Variants in CNTNAP3B observed in about 807,000 individuals in gnomAD.
The protein encoded by CNTNAP3B is contactin-associated protein-like 3B.
A neutral mutation model predicts 108.9 loss-of-function variants in CNTNAP3B; 25 were observed. The ratio of observed to expected loss-of-function variants is 0.23; its 90% CI spans 0.17 to 0.32. The LOEUF (loss-of-function observed/expected upper bound fraction) is 0.32, where lower values mean the gene tolerates loss of function less well. CNTNAP3B is among the 10% of genes least tolerant of loss of function. The pLI is 1.00. For missense variants in CNTNAP3B, 252 were observed against 1,210.4 expected (o/e 0.21, Z 11.75); for synonymous variants, 103 against 473.4 (o/e 0.22, Z 10.16).
Position 42,118,836 on chromosome 9 carries a change from T to C in CNTNAP3B, c.85+10174A>G, listed in dbSNP as rs1828384400. 3.3e-5 allele frequency among the ~76,000 whole-genome samples: 3 copies of C among 90,286 alleles called. No homozygotes were observed. In the Admixed American group the frequency reaches 3.6e-4, roughly 11 times the overall value. 59.2% of individuals were successfully genotyped at this position (90,286 alleles called of 152,430 possible). On this transcript the variant is annotated intron_variant, in intron 1 of 23. Coordinates refer to ENST00000377561, the MANE Select transcript of CNTNAP3B (RefSeq NM_001201380.3). ...AAGCAACTTCAGCAAAGTCTCAAAA[T>C]CAAGATTTTGTATCTTGATTTGATA...
In CNTNAP3B at chr9:42,061,453, G is replaced by A. The variant is rs554892270; in HGVS notation, c.390+15416C>T. 6.6e-5 allele frequency among the ~76,000 whole-genome samples: 9 copies of A among 135,400 alleles called. 1 individual carries two copies. In the East Asian group the frequency reaches 1.8e-3, roughly 27 times the overall value. The allele number at this position is 135,400 out of a possible 152,430, so 88.8% of individuals were successfully genotyped here. A position where few individuals can be genotyped will look rare whatever the true frequency, so the allele number is the denominator to read the frequency against. On this transcript the variant is annotated intron_variant, in intron 3 of 23. Transcript: ENST00000377561. ...CTACCTCAGCCTCCCGAGTAGCTGG[G>A]ACAGCAGGCGAGCACCATGCCCAGC...
intron 1 of CNTNAP3B, among the ~76,000 whole-genome samples, chr9:42,113,749 A>G (rs1424018608): frequency 7.2e-6 from 1 of 139,516 alleles, no homozygotes; most frequent in Non-Finnish European, 1.5e-5. Flanking sequence ...AGGTGACTAT[A>G]GTCAATAATT....
intron 17 of CNTNAP3B, among the ~76,000 whole-genome samples, chr9:41,921,162 A>G (rs1823657468): frequency 6.6e-6 from 1 of 152,308 alleles, no homozygotes; most frequent in Admixed American, 6.5e-5. Flanking sequence ...TTCTGAAGCC[A>G]GTGCTTCATC....
At chr9:41,958,718 A>G (rs1415175861) in intron 12 of CNTNAP3B, among the ~76,000 whole-genome samples, 2 of 152,070 alleles carry the variant, frequency 1.3e-5, no homozygotes, top group Admixed American at 1.3e-4. Context: ...AACAAAACAA[A>G]ACAAAACAAA....
intron 3 of CNTNAP3B, among the ~76,000 whole-genome samples, chr9:42,028,987 A>C (rs1371027238): frequency 6.6e-6 from 1 of 150,836 alleles, no homozygotes; most frequent in Non-Finnish European, 1.5e-5. Context: ...AGAGCTATGT[A>C]ATTAACAATA....
intron 15 of CNTNAP3B, among the ~76,000 whole-genome samples, chr9:41,924,656 C>T (rs865821078): frequency 0.019 from 567 of 29,280 alleles, no homozygotes; most frequent in South Asian, 0.033. Flanking sequence ...CACACACACA[C>T]ACACACACAC....
In CNTNAP3B at chr9:42,109,778, G is replaced by A. The variant is rs1231586394; in HGVS notation, c.86-5039C>T. ...TGTGAAGGTTACTTCAGAAGGTAAG[G>A]TTCTCCAGATGTGATCAAAGACCCT... On this transcript the variant is annotated intron_variant, in intron 1 of 23. Coordinates refer to ENST00000377561, the MANE Select transcript of CNTNAP3B (RefSeq NM_001201380.3). Among the ~76,000 whole-genome samples, 38 of 136,860 alleles carry A rather than the reference G, an allele frequency of 2.8e-4. 4 individuals are homozygous for A. Among genetic ancestry groups the A allele is most frequent in the African/African-American group, 1.1e-3 (38 of 33,980 alleles). The allele number at this position is 136,860 out of a possible 152,430, so 89.8% of individuals were successfully genotyped here. A position where few individuals can be genotyped will look rare whatever the true frequency, so the allele number is the denominator to read the frequency against.
chr9:42,129,292 C>A lies in CNTNAP3B; in HGVS notation c.-198G>T, dbSNP rs1227479839. ...GCAGACCCTCCCGCCAAGCCGCGCC[C>A]GGCCCCAGCTGCGTCTCCGAGGTCG... On this transcript the variant is annotated 5_prime_UTR_variant, in exon 1 of 24. Transcript: ENST00000377561. 1.6e-6 allele frequency: 1 copy of A among 642,548 alleles called. No individual in the cohort carries two copies. The highest frequency in any genetic ancestry group is 2.1e-6 in the Non-Finnish European group (1 of 482,296). The allele number at this position is 642,548 out of a possible 1,614,324, so 39.8% of individuals were successfully genotyped here.
intron 1 of CNTNAP3B, among the ~76,000 whole-genome samples, chr9:42,126,652 C>T (rs1309990870): frequency 7.4e-6 from 1 of 135,458 alleles, no homozygotes; most frequent in Non-Finnish European, 1.6e-5. Context: ...TCACTGCAAC[C>T]TCCACCTCCC....
At position 42,127,525 on chromosome 9, in the gene CNTNAP3B, C is replaced by T. The variant is rs979188077; in HGVS notation, c.85+1485G>A. Among the ~76,000 whole-genome samples the T allele has an allele frequency of 6.5e-5, 9 of 139,438 alleles. 1 individual carries two copies. The highest frequency in any genetic ancestry group is 2.3e-4 in the African/African-American group (8 of 35,154). 91.5% of individuals were successfully genotyped at this position (139,438 alleles called of 152,430 possible). Reference sequence around the variant, plus strand: ...TAGTGACTTATTTTGTTGTATTTTGCCAGTTGATTGGTCAATTACTCTAGC... The same window carrying T: ...TAGTGACTTATTTTGTTGTATTTTGTCAGTTGATTGGTCAATTACTCTAGC... On this transcript the variant is annotated intron_variant, in intron 1 of 23. Transcript: ENST00000377561.
At chr9:41,938,658 G>A (rs1185620376) in intron 13 of CNTNAP3B, among the ~76,000 whole-genome samples, 14 of 152,366 alleles carry the variant, frequency 9.2e-5, no homozygotes, top group South Asian at 6.2e-4. Context: ...TCAGTTGCAC[G>A]TGATACATAC....
chr9:41,934,176 T>TACACACACACACATATATAC (rs1824079218), intron 14 of CNTNAP3B, among the ~76,000 whole-genome samples: 2 of 106,100 alleles, frequency 1.9e-5, no homozygotes, highest in Admixed American at 2.0e-4. Context: ...CACATATATA[T>TACACACACACACATATATAC]ACACACACAC....
intron 1 of CNTNAP3B, among the ~76,000 whole-genome samples, chr9:42,115,713 G>A (rs1426188527): frequency 9.3e-5 from 11 of 117,904 alleles, no homozygotes; most frequent in Admixed American, 4.4e-4. Flanking sequence ...CCATCTGTAC[G>A]TCACCACCAT....
chr9:42,030,133 G>C (rs1278939055), intron 3 of CNTNAP3B, among the ~76,000 whole-genome samples: 1 of 87,034 alleles, frequency 1.1e-5, no homozygotes, highest in African/African-American at 5.5e-5. Context: ...GACAGAGCGA[G>C]ACTCTGTCTC....
chr9:42,117,960 C>A (rs1828359340), intron 1 of CNTNAP3B, among the ~76,000 whole-genome samples: 1 of 137,390 alleles, frequency 7.3e-6, no homozygotes, highest in Non-Finnish European at 1.6e-5. Context: ...CATACATCCT[C>A]CCAAGACTAA....
At chr9:42,076,407 T>A (rs1298896634) in intron 3 of CNTNAP3B, among the ~76,000 whole-genome samples, 2 of 123,866 alleles carry the variant, frequency 1.6e-5, no homozygotes, top group African/African-American at 3.4e-5. Context: ...GTCTGGGTGA[T>A]AACAGCGAAA....
rs1828487477 is a variant in CNTNAP3B at position 42,122,608 on chromosome 9, T to C, written c.85+6402A>G. Among the ~76,000 whole-genome samples, 2 of 137,100 alleles carry C rather than the reference T, an allele frequency of 1.5e-5. 1 individual carries two copies. The highest frequency in any genetic ancestry group is 3.1e-5 in the Non-Finnish European group (2 of 64,448). The allele number at this position is 137,100 out of a possible 152,430, so 89.9% of individuals were successfully genotyped here. ...GATGTTGCATTACTTTTTCTACCAA[T>C]CTTCTTACAATAAATTCATAAATAT... On this transcript the variant is annotated intron_variant, in intron 1 of 23. Coordinates refer to ENST00000377561, the MANE Select transcript of CNTNAP3B (RefSeq NM_001201380.3).
chr9:41,986,721 CA>C (rs1825711792), intron 8 of CNTNAP3B, among the ~76,000 whole-genome samples: 2 of 149,780 alleles, frequency 1.3e-5, no homozygotes, highest in South Asian at 4.2e-4. Context: ...AAAAATATGT[CA>C]AGAATGATTG....
chr9:41,939,030 G>A (rs1004571778), intron 13 of CNTNAP3B, among the ~76,000 whole-genome samples: 2 of 152,272 alleles, frequency 1.3e-5, no homozygotes, highest in Non-Finnish European at 2.9e-5. Flanking sequence ...CTACAGCTCT[G>A]ACGAGTGCGC....
Sources: gnomAD v4.1 joint callset for allele counts (sites outside exome capture counted in the v4.1 genomes callset) on GRCh38, gnomAD v4.1.1 for gene constraint, MANE v1.5 for transcripts, NCBI Gene and HGNC (gene_info 2026-07-23, HGNC 2026-07-21) for gene names.